The following KATNA1 variants were observed in gnomAD, a reference collection of about 807,000 sequenced individuals.
KATNA1 encodes the protein katanin catalytic subunit A1, also known as katanin p60 ATPase-containing subunit A1.
In KATNA1, 42 loss-of-function variants were observed where a neutral mutation model predicts 62.6. The ratio of observed to expected loss-of-function variants is 0.67; its 90% CI spans 0.52 to 0.87. KATNA1 has a LOEUF of 0.87. KATNA1 is among the 40% of genes least tolerant of loss of function. The probability of loss-of-function intolerance (pLI) is 0.00; values close to 1 mark genes in which losing one functional copy is unlikely to be tolerated. For missense variants in KATNA1, 498 were observed against 612.5 expected (o/e 0.81, Z 1.97); for synonymous variants, 186 against 201.9 (o/e 0.92, Z 0.67).
chr6:149,599,883 C>T (rs1206355824), intron 7 of KATNA1, among the ~76,000 whole-genome samples: 1 of 152,058 alleles, frequency 6.6e-6, no homozygotes, highest in Non-Finnish European at 1.5e-5. Context: ...GGGTTTTATT[C>T]AGACCTGGCC....
intron 1 of KATNA1, among the ~76,000 whole-genome samples, chr6:149,644,813 T>C (rs1447203609): frequency 6.6e-5 from 10 of 152,114 alleles, no homozygotes; most frequent in South Asian, 2.1e-4. Flanking sequence ...AGCCAATGAA[T>C]TGATATTTTC....
intron 1 of KATNA1, among the ~76,000 whole-genome samples, chr6:149,646,052 G>A (rs1185774637): frequency 6.6e-6 from 1 of 151,962 alleles, no homozygotes; most frequent in Non-Finnish European, 1.5e-5. Flanking sequence ...AATTTTTAAA[G>A]GACTCAGGCT....
In KATNA1 at chr6:149,595,156, T is replaced by G. The variant is rs1167252715; in HGVS notation, c.1356A>C (p.Glu452Asp). 6.2e-7 allele frequency: 1 copy of G among 1,614,124 alleles called. No homozygotes were observed. The highest frequency in any genetic ancestry group is 8.5e-7 in the Non-Finnish European group (1 of 1,179,984). Reference sequence around the variant, plus strand: ...CCTCCATAGTTGTAGGCATGTGCATTTCTTCTTTGGAAAGATTTCGGATTT... The same window carrying G: ...CCTCCATAGTTGTAGGCATGTGCATGTCTTCTTTGGAAAGATTTCGGATTT... ...PEEIRNLSKE[E>D]MHMPTTMEDF... Residue 452 changes from glutamate (E) to aspartate (D), a missense_variant, in exon 11 of 11, where the codon GAA becomes GAC. Coordinates refer to ENST00000367411, the MANE Select transcript of KATNA1 (RefSeq NM_007044.4).
At chr6:149,611,289 C>T (rs1234236962) in intron 4 of KATNA1, among the ~76,000 whole-genome samples, 1 of 151,694 alleles carries the variant, frequency 6.6e-6, no homozygotes, top group Non-Finnish European at 1.5e-5. Flanking sequence ...CAGCGAAACC[C>T]TGTCTCTACT....
chr6:149,601,524 AG>A, intron 7 of KATNA1, 69 bp downstream of exon 7: 1 of 1,340,918 alleles, frequency 7.5e-7, no homozygotes, highest in Non-Finnish European at 1.0e-6. Context: ...CATATACTGG[AG>A]ATAGTTACAG....
intron 4 of KATNA1, among the ~76,000 whole-genome samples, chr6:149,617,174 A>T (rs951346612): frequency 6.6e-6 from 1 of 152,168 alleles, no homozygotes; most frequent in African/African-American, 2.4e-5. Flanking sequence ...AAGAATGATG[A>T]CTTTAATGGG....
At chr6:149,610,080 CAA>C (rs1562284994) in intron 4 of KATNA1, among the ~76,000 whole-genome samples, 1 of 105,470 alleles carries the variant, frequency 9.5e-6, no homozygotes, top group Non-Finnish European at 1.8e-5. Context: ...GCCTGGGCAA[CAA>C]GAGTGAAACT....
chr6:149,617,939 A>AAAAAAAATAAAT (rs1779233859), intron 4 of KATNA1, among the ~76,000 whole-genome samples: 1 of 133,558 alleles, frequency 7.5e-6, no homozygotes, highest in Admixed American at 8.1e-5. Flanking sequence ...CTTGTCTCCA[A>AAAAAAAATAAAT]AAATAAATAA....
chr6:149,596,422 C>CT (rs1226284181), intron 10 of KATNA1, among the ~76,000 whole-genome samples: 1 of 152,190 alleles, frequency 6.6e-6, no homozygotes, highest in Non-Finnish European at 1.5e-5. Flanking sequence ...GTAATCCCAG[C>CT]TACTCGGGAG....
At chr6:149,597,727 T>C in intron 8 of KATNA1, 86 bp from the exon 9 acceptor site, 1 of 1,282,048 alleles carries the variant, frequency 7.8e-7, no homozygotes, top group South Asian at 1.3e-5. Context: ...TCAACAACTA[T>C]TTAGTACAAC....
At chr6:149,629,111 C>T (rs1321913011) in intron 3 of KATNA1, among the ~76,000 whole-genome samples, 1 of 152,032 alleles carries the variant, frequency 6.6e-6, no homozygotes, top group African/African-American at 2.4e-5. Context: ...TCCCTCTCTG[C>T]TTGTGAGACT....
At chr6:149,638,285 T>C in intron 2 of KATNA1, 101 bp downstream of exon 2, 1 of 1,126,112 alleles carries the variant, frequency 8.9e-7, no homozygotes, top group South Asian at 1.4e-5. Flanking sequence ...TCGGTAGTCA[T>C]ACAGTCTTAA....
intron 1 of KATNA1, among the ~76,000 whole-genome samples, chr6:149,647,521 CAAAAAA>C (rs10719474): frequency 6.4e-5 from 3 of 46,858 alleles, no homozygotes; most frequent in South Asian, 1.0e-3. Flanking sequence ...GACTCCGTCT[CAAAAAA>C]AAAAAAAAAA....
intron 2 of KATNA1, among the ~76,000 whole-genome samples, chr6:149,634,459 A>G (rs938284092): frequency 6.6e-6 from 1 of 152,090 alleles, no homozygotes; most frequent in Non-Finnish European, 1.5e-5. Context: ...CAAGGGGGAA[A>G]AAAAACCATC....
chr6:149,597,016 T>C (rs778396006), intron 10 of KATNA1, 47 bp downstream of exon 10: 1 of 1,596,526 alleles, frequency 6.3e-7, no homozygotes. Context: ...AACTTCATAC[T>C]AGAAGTTTAT....
chr6:149,641,918 C>T lies in KATNA1; in HGVS notation c.-13-3358G>A, dbSNP rs59204346. ...TTTTATTCTTTTATTTTTTATTTTT[C>T]TGGAGACAGAGTCTCACTCTGTTGC... On this transcript the variant is annotated intron_variant, in intron 1 of 10. Coordinates refer to ENST00000367411, the MANE Select transcript of KATNA1 (RefSeq NM_007044.4). 3.6e-3 allele frequency among the ~76,000 whole-genome samples: 553 copies of T among 152,180 alleles called. 3 individuals carry two copies. The highest frequency in any genetic ancestry group is 0.013 in the African/African-American group (526 of 41,530).
intron 4 of KATNA1, among the ~76,000 whole-genome samples, chr6:149,607,822 T>C (rs1392021842): frequency 6.6e-6 from 1 of 152,072 alleles, no homozygotes; most frequent in African/African-American, 2.4e-5. Flanking sequence ...TCCCAGCACT[T>C]TGGGAGGCAG....
chr6:149,610,788 G>A (rs986265800), intron 4 of KATNA1, among the ~76,000 whole-genome samples: 13 of 152,106 alleles, frequency 8.5e-5, no homozygotes, highest in African/African-American at 2.9e-4. Flanking sequence ...GCTCACACCT[G>A]TAATCCCAGC....
intron 4 of KATNA1, among the ~76,000 whole-genome samples, chr6:149,613,026 A>G (rs1779017342): frequency 6.6e-6 from 1 of 151,300 alleles, no homozygotes; most frequent in Non-Finnish European, 1.5e-5. Flanking sequence ...TAAAAATACA[A>G]AAAATTAGCT....
Sources: gnomAD v4.1 joint callset for allele counts (sites outside exome capture counted in the v4.1 genomes callset) on GRCh38, gnomAD v4.1.1 for gene constraint, MANE v1.5 for transcripts, NCBI Gene and HGNC (gene_info 2026-07-23, HGNC 2026-07-21) for gene names.